DNA2: variants seen among roughly 807,000 people sequenced by gnomAD.
DNA2 encodes the protein DNA replication helicase/nuclease 2, also known as DNA replication ATP-dependent helicase/nuclease DNA2.
Under a neutral mutation model 119.1 loss-of-function variants are expected in DNA2, and 101 were observed. The observed-to-expected ratio is 0.85, with a 90% CI of 0.72 to 1.00. The LOEUF (loss-of-function observed/expected upper bound fraction) is 1.00. Ranked by LOEUF, DNA2 falls within the 50% of genes least tolerant of loss-of-function variation. The pLI, the probability that DNA2 is intolerant of heterozygous loss-of-function variation, is 0.00. For synonymous variants in DNA2, 366 were observed against 424.4 expected, an observed-to-expected ratio of 0.86 and a Z score of 1.69; for missense variants, 1,121 against 1,255.5, an observed-to-expected ratio of 0.89 and a Z score of 1.62.
intron 4 of DNA2, among the ~76,000 whole-genome samples, chr10:68,464,904 A>C (rs2052308831): frequency 6.7e-6 from 1 of 149,572 alleles, no homozygotes. Flanking sequence ...GTTGTTCCAG[A>C]TACTCAGGAG....
intron 14 of DNA2, among the ~76,000 whole-genome samples, chr10:68,427,988 G>A (rs538772024): frequency 6.9e-6 from 1 of 145,434 alleles, no homozygotes; most frequent in Non-Finnish European, 1.5e-5. Flanking sequence ...AGCTCAGATC[G>A]CACCACTGCA....
At chr10:68,441,788 C>T (rs558982671) in intron 9 of DNA2, among the ~76,000 whole-genome samples, 14 of 151,800 alleles carry the variant, frequency 9.2e-5, no homozygotes, top group African/African-American at 3.1e-4. Context: ...AAGAAAAAAG[C>T]GAGTATTTAA....
chr10:68,447,038 A>G (rs2052048962), intron 6 of DNA2, among the ~76,000 whole-genome samples: 1 of 152,156 alleles, frequency 6.6e-6, no homozygotes, highest in Admixed American at 6.5e-5. Context: ...TAAATGTTTG[A>G]GGGGATGGAT....
chr10:68,466,868 T>G (rs929627840), intron 3 of DNA2, among the ~76,000 whole-genome samples: 2 of 152,128 alleles, frequency 1.3e-5, no homozygotes, highest in East Asian at 1.9e-4. Context: ...CGTGAGCCAC[T>G]GCGCCCGGTC....
intron 4 of DNA2, among the ~76,000 whole-genome samples, chr10:68,459,877 A>G (rs2052232501): frequency 6.6e-6 from 1 of 151,914 alleles, no homozygotes; most frequent in African/African-American, 2.4e-5. Flanking sequence ...AAACACAAAA[A>G]TTAGCCAGGC....
intron 9 of DNA2, among the ~76,000 whole-genome samples, chr10:68,440,015 T>A (rs939397305): frequency 4.0e-5 from 6 of 148,528 alleles, no homozygotes; most frequent in African/African-American, 1.2e-4. Context: ...AAAAAAAAAA[T>A]TTTTTTGGCT....
intron 17 of DNA2, 73 bp from the exon 18 acceptor site, chr10:68,419,965 A>C: frequency 8.5e-7 from 1 of 1,176,536 alleles, no homozygotes; most frequent in Non-Finnish European, 1.3e-6. Context: ...ACTGGCCATA[A>C]AGACTATACT....
rs1408541255 is a variant in DNA2 at position 68,468,231 on chromosome 10, A to G, written c.333T>C (p.Asp111=). ...GDCTSDTWII[D]KDFGYLILYP... ...ACAGAATCAAATATCCAAAATCTTT[A>G]TCTATTATCCAAGTGTCAGATGTGC... The change falls in exon 3 of 21, where the codon GAT becomes GAC. Residue 111 remains aspartate (D), a synonymous_variant. Coordinates refer to ENST00000358410, the MANE Select transcript of DNA2 (RefSeq NM_001080449.3). 1.2e-6 allele frequency: 2 copies of G among 1,612,628 alleles called. No individual in the cohort carries two copies. Among genetic ancestry groups the G allele is most frequent in the Non-Finnish European group, 1.7e-6 (2 of 1,179,404 alleles).
chr10:68,445,795 T>A (rs1405145380), intron 7 of DNA2, among the ~76,000 whole-genome samples: 2 of 151,934 alleles, frequency 1.3e-5, no homozygotes, highest in Non-Finnish European at 2.9e-5. Flanking sequence ...TTAATAATGT[T>A]TTCAACTATA....
In DNA2 at chr10:68,427,647, TCAAA is replaced by T. The variant is rs200605532; in HGVS notation, c.2208+2785_2208+2788del. 9.8e-5 allele frequency among the ~76,000 whole-genome samples: 10 copies of T among 101,638 alleles called. No homozygotes were observed. The East Asian group carries it at 2.5e-3, about 26-fold the overall frequency. The allele number at this position is 101,638 out of a possible 152,430, so 66.7% of individuals were successfully genotyped here. A position where few individuals can be genotyped will look rare whatever the true frequency, so the allele number is the denominator to read the frequency against. On this transcript the variant is annotated intron_variant, in intron 14 of 20. Coordinates refer to ENST00000358410, the MANE Select transcript of DNA2 (RefSeq NM_001080449.3). ...CTGGGCAACAGAGCAAGACCTTGTC[TCAAA>T]CACACACACACACACACACACACAC...
rs201624435 is a variant in DNA2, at chr10:68,442,986, G to C, written c.1346C>G (p.Thr449Ser). 5 of 1,612,638 alleles carry C rather than the reference G, an allele frequency of 3.1e-6. No homozygotes were observed. In the Admixed American group the frequency reaches 8.4e-5, roughly 27 times the overall value. Residue 449 changes from threonine (T) to serine (S), a missense_variant, in exon 9 of 21, where the codon ACC (threonine) becomes AGC (serine). Transcript: ENST00000358410. ...ATTATCCTTCGATTGTGACTCCAGG[G>C]TTAACATTAGACACCAAAGGCTGAA... Reference protein sequence around the residue: ...EYFSLWCLMLTLESQSKDNKK... With the variant: ...EYFSLWCLMLSLESQSKDNKK...
rs775291976 is a variant in DNA2, at chr10:68,465,630, T to C, written c.587+37A>G. On this transcript the variant is annotated intron_variant, in intron 4 of 20. Coordinates refer to ENST00000358410, the MANE Select transcript of DNA2 (RefSeq NM_001080449.3). ...AGTTTCTAGGACAGAAGTTATATAA[T>C]AAAATTATACCTGCAGTTCTTCTTA... The C allele has an allele frequency of 8.3e-6, 12 of 1,453,790 alleles. No individual in the cohort carries two copies. The Admixed American group carries it at 1.3e-4, about 16-fold the overall frequency. 90.1% of individuals were successfully genotyped at this position (1,453,790 alleles called of 1,614,324 possible). A position where few individuals can be genotyped will look rare whatever the true frequency, so the allele number is the denominator to read the frequency against.
At chr10:68,445,117 TTAAA>T (rs1374092690) in intron 7 of DNA2, 34 bp from the exon 8 acceptor site, 10 of 1,542,326 alleles carry the variant, frequency 6.5e-6, no homozygotes, top group African/African-American at 2.8e-5. Flanking sequence ...TTTTTAAGAG[TTAAA>T]TAAAGTTTAT....
At chr10:68,428,400 A>G (rs1394123296) in intron 14 of DNA2, among the ~76,000 whole-genome samples, 2 of 151,526 alleles carry the variant, frequency 1.3e-5, no homozygotes, top group Non-Finnish European at 2.9e-5. Flanking sequence ...CTGCTTAGAA[A>G]AACAGTTTGG....
At chr10:68,420,266 C>T (rs377581683) in intron 17 of DNA2, among the ~76,000 whole-genome samples, 3 of 152,164 alleles carry the variant, frequency 2.0e-5, no homozygotes, top group Admixed American at 6.6e-5. Context: ...TGGCCGGGCG[C>T]GGTGGCTCAC....
rs779153706 is a variant in DNA2, at chr10:68,430,473, T to C, written c.2171A>G (p.Lys724Arg). 13 of 1,610,094 alleles carry C rather than the reference T, an allele frequency of 8.1e-6. No individual in the cohort carries two copies. The highest frequency in any genetic ancestry group is 1.1e-5 in the Non-Finnish European group (13 of 1,178,048). Residue 724 changes from lysine to arginine, a missense_variant, in exon 14 of 21, where the codon AAA becomes AGA. Coordinates refer to ENST00000358410, the MANE Select transcript of DNA2 (RefSeq NM_001080449.3). ...GAGTTCTTCTAGAAGAGCTAAGGATTTAATGGACTTTGATCTGCAAATTTC... is the reference window on the plus strand; with the variant it reads ...GAGTTCTTCTAGAAGAGCTAAGGATCTAATGGACTTTGATCTGCAAATTTC... ...EQEICRSKSI[K>R]SLALLEELYN...
intron 1 of DNA2, among the ~76,000 whole-genome samples, chr10:68,471,077 G>T (rs2052376476): frequency 6.6e-6 from 1 of 152,116 alleles, no homozygotes; most frequent in Admixed American, 6.5e-5. Flanking sequence ...AGTCTTCCCC[G>T]TTTGACTGAG....
At chr10:68,434,651 A>C (rs1297861558) in intron 10 of DNA2, among the ~76,000 whole-genome samples, 1 of 98,038 alleles carries the variant, frequency 1.0e-5, no homozygotes, top group Non-Finnish European at 1.8e-5. Flanking sequence ...CCATGTGTCA[A>C]AAAAAAAAAG....
chr10:68,452,969 C>T lies in DNA2; in HGVS notation c.720-2722G>A, dbSNP rs183429855. On this transcript the variant is annotated intron_variant, in intron 5 of 20. Coordinates refer to ENST00000358410, the MANE Select transcript of DNA2 (RefSeq NM_001080449.3). Reference sequence around the variant, plus strand: ...AGGCTGGAGTATAGTGGTGCAATCTCGGCTCACTGCAACTTCCACCTCCCG... The same window carrying T: ...AGGCTGGAGTATAGTGGTGCAATCTTGGCTCACTGCAACTTCCACCTCCCG... 6.2e-4 allele frequency among the ~76,000 whole-genome samples: 93 copies of T among 150,920 alleles called. 1 individual carries two copies. In the East Asian group the frequency reaches 0.015, roughly 24 times the overall value.
Sources: allele counts gnomAD v4.1 joint callset (sites outside exome capture counted in the v4.1 genomes callset), GRCh38; gene constraint gnomAD v4.1.1; transcripts MANE v1.5; gene names NCBI Gene and HGNC (gene_info 2026-07-23, HGNC 2026-07-21).